Variants in ST6GALNAC5 observed in about 807,000 individuals in gnomAD.
ST6GALNAC5 encodes the protein alpha-N-acetylgalactosaminide alpha-2,6-sialyltransferase 5.
A neutral mutation model predicts 33.6 loss-of-function variants in ST6GALNAC5; 27 were observed. The ratio of observed to expected loss-of-function variants is 0.80; its 90% CI spans 0.59 to 1.11. The LOEUF (loss-of-function observed/expected upper bound fraction) is 1.11. Among genes scored for constraint, ST6GALNAC5 ranks in the 50% least tolerant of loss-of-function variants. The probability of loss-of-function intolerance (pLI) is 0.00; values close to 1 mark genes in which losing one functional copy is unlikely to be tolerated. For synonymous variants in ST6GALNAC5, 194 were observed against 171.2 expected, an observed-to-expected ratio of 1.13 and a Z score of -1.04; for missense variants, 428 against 454.0, an observed-to-expected ratio of 0.94 and a Z score of 0.52.
At chr1:76,955,377 T>A (rs1251379544) in intron 2 of ST6GALNAC5, among the ~76,000 whole-genome samples, 1 of 152,152 alleles carries the variant, frequency 6.6e-6, no homozygotes, top group Non-Finnish European at 1.5e-5. Flanking sequence ...CTTAGGTGTG[T>A]CAAACAGGGA....
At chr1:77,036,490 T>A (rs943886227) in intron 2 of ST6GALNAC5, among the ~76,000 whole-genome samples, 1 of 152,226 alleles carries the variant, frequency 6.6e-6, no homozygotes, top group Non-Finnish European at 1.5e-5. Flanking sequence ...ACTAATGGGA[T>A]TTCCTGCACC....
intron 4 of ST6GALNAC5, among the ~76,000 whole-genome samples, chr1:77,052,833 G>A (rs139116724): frequency 4.9e-4 from 73 of 149,124 alleles, no homozygotes; most frequent in African/African-American, 1.7e-3. Flanking sequence ...CATGAGAATC[G>A]CTTGAACCTG....
chr1:76,876,907 C>A (rs535574614), intron 2 of ST6GALNAC5, among the ~76,000 whole-genome samples: 1 of 152,310 alleles, frequency 6.6e-6, no homozygotes, highest in Non-Finnish European at 1.5e-5. Context: ...GGAGAGAAGG[C>A]AGGGTGGCAA....
intron 2 of ST6GALNAC5, among the ~76,000 whole-genome samples, chr1:76,976,525 T>C (rs1649019735): frequency 6.6e-6 from 1 of 152,146 alleles, no homozygotes; most frequent in Non-Finnish European, 1.5e-5. Context: ...TTAATAAAAG[T>C]TCCCTGTGCC....
chr1:76,904,558 C>T (rs1410738745), intron 2 of ST6GALNAC5, among the ~76,000 whole-genome samples: 1 of 152,142 alleles, frequency 6.6e-6, no homozygotes, highest in Non-Finnish European at 1.5e-5. Context: ...AGATGTAGTG[C>T]CTCAGGCTTG....
intron 2 of ST6GALNAC5, among the ~76,000 whole-genome samples, chr1:76,877,577 C>T (rs1653675697): frequency 6.6e-6 from 1 of 152,204 alleles, no homozygotes; most frequent in African/African-American, 2.4e-5. Context: ...ACCACTGGAC[C>T]CCTAGAAATT....
intron 2 of ST6GALNAC5, among the ~76,000 whole-genome samples, chr1:76,966,857 T>C (rs1311578449): frequency 6.6e-6 from 1 of 152,260 alleles, no homozygotes; most frequent in East Asian, 1.9e-4. Context: ...GAGACAATCA[T>C]GTGGTTTCTG....
chr1:77,050,206 GGGTATAAT>G, intron 3 of ST6GALNAC5, 44 bp from the exon 4 acceptor site: 1 of 1,446,644 alleles, frequency 6.9e-7, no homozygotes, highest in Non-Finnish European at 9.7e-7. Context: ...AGATGGTAGT[GGGTATAAT>G]GGTTACTTTA....
intron 4 of ST6GALNAC5, among the ~76,000 whole-genome samples, chr1:77,055,220 A>G (rs1652351094): frequency 6.6e-6 from 1 of 152,122 alleles, no homozygotes; most frequent in African/African-American, 2.4e-5. Flanking sequence ...ATACCACTTT[A>G]GTCACATCTT....
chr1:77,012,021 G>C (rs1228408332), intron 2 of ST6GALNAC5, among the ~76,000 whole-genome samples: 1 of 152,114 alleles, frequency 6.6e-6, no homozygotes, highest in African/African-American at 2.4e-5. Context: ...GTTCCATAGC[G>C]GTCAAGTGGT....
At chr1:76,892,484 C>T (rs1654034868) in intron 2 of ST6GALNAC5, among the ~76,000 whole-genome samples, 1 of 152,048 alleles carries the variant, frequency 6.6e-6, no homozygotes, top group African/African-American at 2.4e-5. Flanking sequence ...ATGAATAGTC[C>T]ATATGTTTAT....
chr1:76,868,590 C>CAG lies in ST6GALNAC5; in HGVS notation c.109_110insAG (p.Pro37GlnfsTer54). 1 of 1,611,288 alleles carries CAG rather than the reference C, an allele frequency of 6.2e-7. No homozygotes were observed. Reference sequence around the variant, plus strand: ...CCTCGGCGGCCAGAAGGAGCGGCCCCCGCAGCAGCAGCAGCAGCAGCAGCA... The same window carrying CAG: ...CCTCGGCGGCCAGAAGGAGCGGCCCCAGCGCAGCAGCAGCAGCAGCAGCAGCA... On this transcript the variant is annotated frameshift_variant, in exon 2 of 5. Coordinates refer to ENST00000477717, the MANE Select transcript of ST6GALNAC5 (RefSeq NM_030965.3). LOFTEE classifies it high-confidence loss of function. The surrounding 1 kb of genome is among the most constrained non-coding windows in gnomAD (Gnocchi z 4.3).
intron 2 of ST6GALNAC5, among the ~76,000 whole-genome samples, chr1:76,997,749 A>C (rs552810148): frequency 1.3e-5 from 2 of 152,314 alleles, no homozygotes; most frequent in South Asian, 4.2e-4. Flanking sequence ...CTGTAATCTC[A>C]ATGCTTTGAG....
chr1:76,953,307 G>C (rs1220698612), intron 2 of ST6GALNAC5, among the ~76,000 whole-genome samples: 1 of 152,118 alleles, frequency 6.6e-6, no homozygotes, highest in Non-Finnish European at 1.5e-5. Context: ...ATGTATGAGA[G>C]ATCAAGCTTC....
At chr1:76,933,102 C>T (rs1021162570) in intron 2 of ST6GALNAC5, among the ~76,000 whole-genome samples, 1 of 151,938 alleles carries the variant, frequency 6.6e-6, no homozygotes. Flanking sequence ...GAATCTAAGA[C>T]CATGAAACTG....
Position 76,970,384 on chromosome 1 carries a change from A to G in ST6GALNAC5, c.262-73820A>G, listed in dbSNP as rs188248167. 7.2e-5 allele frequency among the ~76,000 whole-genome samples: 11 copies of G among 152,056 alleles called. No individual in the cohort carries two copies. In the East Asian group the frequency reaches 2.1e-3, roughly 30 times the overall value. On this transcript the variant is annotated intron_variant, in intron 2 of 4. Coordinates refer to ENST00000477717, the MANE Select transcript of ST6GALNAC5 (RefSeq NM_030965.3). Reference sequence around the variant, plus strand: ...AAATGACCTGATGGAGCTGAAAACCATGGCACGAGAACTACATGACTCATG... The same window carrying G: ...AAATGACCTGATGGAGCTGAAAACCGTGGCACGAGAACTACATGACTCATG...
At chr1:76,981,725 C>A (rs749562340) in intron 2 of ST6GALNAC5, among the ~76,000 whole-genome samples, 1 of 152,188 alleles carries the variant, frequency 6.6e-6, no homozygotes, top group Non-Finnish European at 1.5e-5. Context: ...CTGGGAGACA[C>A]CTCCCAGTAG....
chr1:76,991,379 C>A (rs1649722424), intron 2 of ST6GALNAC5, among the ~76,000 whole-genome samples: 1 of 152,166 alleles, frequency 6.6e-6, no homozygotes. Context: ...AGTTATATAT[C>A]ATCAAGTTCA....
At chr1:77,029,550 C>G (rs1284203508) in intron 2 of ST6GALNAC5, among the ~76,000 whole-genome samples, 2 of 152,198 alleles carry the variant, frequency 1.3e-5, no homozygotes, top group Non-Finnish European at 2.9e-5. Context: ...TTAGGAGGCA[C>G]AGGGCTCTCC....
Sources: allele counts gnomAD v4.1 joint callset (sites outside exome capture counted in the v4.1 genomes callset), GRCh38; gene constraint gnomAD v4.1.1; non-coding constraint Gnocchi (gnomAD v3.1); transcripts MANE v1.5; gene names NCBI Gene and HGNC (gene_info 2026-07-23, HGNC 2026-07-21).